Variants in PTPRT observed in about 807,000 individuals in gnomAD.
PTPRT encodes the protein protein tyrosine phosphatase receptor type T.
PTPRT carries 56 observed loss-of-function variants against 176.8 expected under a neutral mutation model. The observed-to-expected ratio is 0.32, with a 90% CI of 0.26 to 0.40. The LOEUF is 0.40. PTPRT is among the 10% of genes least tolerant of loss of function. The pLI is 1.00. For synonymous variants in PTPRT, 783 were observed against 739.0 expected, an observed-to-expected ratio of 1.06 and a Z score of -0.96; for missense variants, 1,540 against 1,908.2, an observed-to-expected ratio of 0.81 and a Z score of 3.60.
At chr20:42,858,184 G>C (rs1268129395) in intron 2 of PTPRT, among the ~76,000 whole-genome samples, 1 of 152,184 alleles carries the variant, frequency 6.6e-6, no homozygotes, top group African/African-American at 2.4e-5. Context: ...GGTAACACTT[G>C]TTAAAAATAA....
chr20:42,656,050 G>A (rs1442982942), intron 7 of PTPRT, among the ~76,000 whole-genome samples: 1 of 152,154 alleles, frequency 6.6e-6, no homozygotes, highest in Non-Finnish European at 1.5e-5. Flanking sequence ...CTTGAAGCAA[G>A]TTCTCAATGC....
At chr20:42,363,365 C>T (rs2058467944) in intron 9 of PTPRT, among the ~76,000 whole-genome samples, 1 of 120,796 alleles carries the variant, frequency 8.3e-6, no homozygotes, top group African/African-American at 3.3e-5. Context: ...GGCTGGAGTG[C>T]AGTGGTGTGA....
At chr20:42,620,624 T>C (rs1180141215) in intron 7 of PTPRT, among the ~76,000 whole-genome samples, 2 of 152,096 alleles carry the variant, frequency 1.3e-5, no homozygotes, top group Non-Finnish European at 2.9e-5. Flanking sequence ...CCGAGCCAGG[T>C]GTGGGATATA....
chr20:42,945,294 C>A (rs1212733098), intron 1 of PTPRT, among the ~76,000 whole-genome samples: 1 of 152,002 alleles, frequency 6.6e-6, no homozygotes, highest in East Asian at 1.9e-4. Flanking sequence ...ATAAATTGCC[C>A]AAAGGCACAC....
At chr20:42,825,846 A>G (rs912059253) in intron 2 of PTPRT, among the ~76,000 whole-genome samples, 26 of 152,168 alleles carry the variant, frequency 1.7e-4, no homozygotes, top group African/African-American at 5.5e-4. Context: ...TATGTCCATC[A>G]GGTAAGAAAG....
chr20:42,575,246 T>C (rs1439289487), intron 7 of PTPRT, among the ~76,000 whole-genome samples: 1 of 152,174 alleles, frequency 6.6e-6, no homozygotes, highest in Non-Finnish European at 1.5e-5. Flanking sequence ...AGTGATCCTG[T>C]GGCCCGGTGA....
chr20:42,979,830 A>C (rs931886972), intron 1 of PTPRT, among the ~76,000 whole-genome samples: 12 of 152,056 alleles, frequency 7.9e-5, no homozygotes, highest in Admixed American at 1.3e-4. Flanking sequence ...GTTTTGTCCC[A>C]AAATCTCAAA....
intron 6 of PTPRT, among the ~76,000 whole-genome samples, chr20:42,718,418 T>G (rs2076257901): frequency 6.6e-6 from 1 of 152,072 alleles, no homozygotes; most frequent in African/African-American, 2.4e-5. Context: ...GCGCCAGTAG[T>G]TCCAGCTACT....
intron 16 of PTPRT, among the ~76,000 whole-genome samples, chr20:42,166,198 G>A (rs1034012634): frequency 3.3e-5 from 5 of 152,108 alleles, no homozygotes; most frequent in African/African-American, 1.2e-4. Context: ...TCTAAAGAGA[G>A]GTAATTTAGA....
At chr20:42,467,327 G>A (rs975666592) in intron 8 of PTPRT, among the ~76,000 whole-genome samples, 2 of 152,130 alleles carry the variant, frequency 1.3e-5, no homozygotes, top group African/African-American at 2.4e-5. Flanking sequence ...GGAGGGACCG[G>A]GCAGTTCTTG....
At chr20:42,382,388 G>C (rs181937210) in intron 9 of PTPRT, among the ~76,000 whole-genome samples, 7 of 152,192 alleles carry the variant, frequency 4.6e-5, no homozygotes, top group Non-Finnish European at 1.0e-4. Context: ...ACATGTTTCT[G>C]ATCCCAGGAG....
chr20:42,190,492 G>A (rs1021374640), intron 16 of PTPRT, among the ~76,000 whole-genome samples: 3 of 152,162 alleles, frequency 2.0e-5, no homozygotes, highest in Non-Finnish European at 2.9e-5. Flanking sequence ...CTCCCAGAGA[G>A]GCCATAATTC....
intron 8 of PTPRT, among the ~76,000 whole-genome samples, chr20:42,450,672 T>A (rs1392274977): frequency 6.6e-6 from 1 of 152,186 alleles, no homozygotes. Context: ...ATGCAGAAGC[T>A]TTTAATTAGT....
At chr20:43,178,302 G>C (rs1458608809) in intron 1 of PTPRT, among the ~76,000 whole-genome samples, 1 of 152,168 alleles carries the variant, frequency 6.6e-6, no homozygotes, top group Non-Finnish European at 1.5e-5. Context: ...AGCTGGCTTT[G>C]TGCCTGGCTT....
chr20:42,235,189 T>TCTA (rs2056216230), intron 15 of PTPRT, among the ~76,000 whole-genome samples: 1 of 152,170 alleles, frequency 6.6e-6, no homozygotes, highest in African/African-American at 2.4e-5. Flanking sequence ...TCACCAAGGA[T>TCTA]CTACTGTACA....
At position 42,073,254 on chromosome 20, in the gene PTPRT, CTT is replaced by C. The variant is rs980998142; in HGVS notation, c.*7623_*7624del. On this transcript the variant is annotated 3_prime_UTR_variant, in exon 31 of 31. Transcript: ENST00000373187. ...CAAGGCAATGGTAGAGGCCACAACT[CTT>C]TGTCTTTGATTGGCTAGTAGAATGT... is the stretch of plus-strand genomic sequence containing the variant. The C allele has an allele frequency of 1.1e-5, 2 of 189,258 alleles. No homozygotes were observed. Among genetic ancestry groups the C allele is most frequent in the Non-Finnish European group, 2.2e-5 (2 of 89,864 alleles). The allele number at this position is 189,258 out of a possible 1,614,324, so 11.7% of individuals were successfully genotyped here.
intron 9 of PTPRT, among the ~76,000 whole-genome samples, chr20:42,409,722 A>G (rs1381818598): frequency 6.6e-6 from 1 of 152,234 alleles, no homozygotes; most frequent in Admixed American, 6.5e-5. Context: ...TGGTCCCTTC[A>G]GGAAAGAGTT....
chr20:42,275,692 T>G (rs1023802301), intron 13 of PTPRT, among the ~76,000 whole-genome samples: 4 of 152,154 alleles, frequency 2.6e-5, no homozygotes, highest in African/African-American at 9.7e-5. Flanking sequence ...AAGGTCATAT[T>G]TAGGCTATCT....
At chr20:42,843,162 C>A (rs7262271) in intron 2 of PTPRT, among the ~76,000 whole-genome samples, 12,297 of 152,240 alleles carry the variant, frequency 0.081, 597 homozygotes, top group Admixed American at 0.15. Flanking sequence ...AAGATTTCTG[C>A]CTGTCTGAGA....
Sources: gnomAD v4.1 joint callset for allele counts (sites outside exome capture counted in the v4.1 genomes callset) on GRCh38, gnomAD v4.1.1 for gene constraint, MANE v1.5 for transcripts, NCBI Gene and HGNC (gene_info 2026-07-23, HGNC 2026-07-21) for gene names.